Variants in SDHAF4 observed in about 807,000 individuals in gnomAD.
The protein encoded by SDHAF4 is succinate dehydrogenase complex assembly factor 4.
A neutral mutation model predicts 14.3 loss-of-function variants in SDHAF4; 14 were observed. That is an observed-to-expected ratio of 0.98 (90% CI 0.65 to 1.53). The LOEUF (loss-of-function observed/expected upper bound fraction) is 1.53, where lower values mean the gene tolerates loss of function less well. Among genes scored for constraint, SDHAF4 ranks in the 40% most tolerant of loss-of-function variants. The pLI is 0.00. For synonymous variants in SDHAF4, 63 were observed against 47.3 expected, an observed-to-expected ratio of 1.33 and a Z score of -1.36; for missense variants, 141 against 129.3, an observed-to-expected ratio of 1.09 and a Z score of -0.44.
In SDHAF4 at chr6:70,589,313, C is replaced by G. The variant is rs1243150045; in HGVS notation, c.*589C>G. On this transcript the variant is annotated 3_prime_UTR_variant, in exon 3 of 3. Transcript: ENST00000370474. ...CCTGAGTAGCTGGGATTACAGACAC[C>G]CACCATTGCGCCTGGCTAATTTTTG... 6.6e-6 allele frequency: 1 copy of G among 151,842 alleles called. No homozygotes were observed. Among genetic ancestry groups the G allele is most frequent in the Non-Finnish European group, 1.5e-5 (1 of 67,996 alleles). 9.4% of individuals were successfully genotyped at this position (151,842 alleles called of 1,614,324 possible). A position where few individuals can be genotyped will look rare whatever the true frequency, so the allele number is the denominator to read the frequency against.
chr6:70,567,059 G>T, intron 1 of SDHAF4, 55 bp downstream of exon 1: 2 of 1,488,532 alleles, frequency 1.3e-6, no homozygotes, highest in Non-Finnish European at 9.1e-7. Context: ...AGGCCCAGGC[G>T]CAGAGAGAAG....
chr6:70,569,337 C>T (rs1306615943), intron 1 of SDHAF4, among the ~76,000 whole-genome samples: 4 of 151,806 alleles, frequency 2.6e-5, no homozygotes, highest in Non-Finnish European at 5.9e-5. Context: ...GGCGAGATCT[C>T]AGCTCACTGC....
chr6:70,595,696 C>T, the SDHAF4 span, among the ~76,000 whole-genome samples: 3 of 151,954 alleles, frequency 2.0e-5, no homozygotes, highest in Admixed American at 6.5e-5. Context: ...AATAGCTGGG[C>T]GCGGTGGCGC....
Position 70,588,157 on chromosome 6 carries a change from T to G in SDHAF4, c.218-458T>G, listed in dbSNP as rs149396233. 1.2e-3 allele frequency among the ~76,000 whole-genome samples: 188 copies of G among 152,320 alleles called. 1 individual carries two copies. The East Asian group carries it at 0.034, about 28-fold the overall frequency. ...TCAAACTCAGGAAAAAGAATCACAT[T>G]TACAGTTCTTTTAAAGACTGCATGG... On this transcript the variant is annotated intron_variant, in intron 2 of 2. Transcript: ENST00000370474.
At chr6:70,587,845 A>T (rs908743570) in intron 2 of SDHAF4, among the ~76,000 whole-genome samples, 8 of 152,230 alleles carry the variant, frequency 5.3e-5, no homozygotes, top group Non-Finnish European at 8.8e-5. Context: ...AATTACTATT[A>T]TGATTATAAA....
At chr6:70,595,345 G>C in the SDHAF4 span, among the ~76,000 whole-genome samples, 2 of 152,188 alleles carry the variant, frequency 1.3e-5, no homozygotes, top group Non-Finnish European at 2.9e-5. Flanking sequence ...TGAGAAGATT[G>C]TACGGAGACT....
chr6:70,576,448 GAC>G (rs1802256699), intron 1 of SDHAF4, among the ~76,000 whole-genome samples: 1 of 152,126 alleles, frequency 6.6e-6, no homozygotes, highest in South Asian at 2.1e-4. Flanking sequence ...CTTTCCCCAA[GAC>G]ACAGTTTTCT....
chr6:70,580,643 A>G (rs1199126910), intron 2 of SDHAF4, among the ~76,000 whole-genome samples: 1 of 152,244 alleles, frequency 6.6e-6, no homozygotes, highest in African/African-American at 2.4e-5. Context: ...CTATTCAGTC[A>G]TAAAAAGCAA....
intron 2 of SDHAF4, among the ~76,000 whole-genome samples, chr6:70,583,207 G>T (rs1765155426): frequency 6.6e-6 from 1 of 152,180 alleles, no homozygotes; most frequent in Non-Finnish European, 1.5e-5. Context: ...CCGCCTCCCG[G>T]GTTCAAGCGA....
intron 1 of SDHAF4, among the ~76,000 whole-genome samples, chr6:70,575,765 T>C (rs1802247565): frequency 6.6e-6 from 1 of 152,108 alleles, no homozygotes; most frequent in Non-Finnish European, 1.5e-5. Flanking sequence ...TATTATTTCT[T>C]CTTTTAGAAG....
At chr6:70,572,781 T>G (rs1242254274) in intron 1 of SDHAF4, among the ~76,000 whole-genome samples, 3 of 152,158 alleles carry the variant, frequency 2.0e-5, no homozygotes, top group African/African-American at 7.2e-5. Flanking sequence ...CTGATAAAAT[T>G]ACATTCCTCT....
downstream of SDHAF4, among the ~76,000 whole-genome samples, chr6:70,591,481 G>A (rs753245389): frequency 1.4e-4 from 21 of 150,654 alleles, no homozygotes; most frequent in African/African-American, 2.7e-4. Flanking sequence ...ACAGGCACTC[G>A]CCACCACGCC....
At chr6:70,590,036 G>A (rs900162091), downstream of SDHAF4, among the ~76,000 whole-genome samples, 2 of 152,160 alleles carry the variant, frequency 1.3e-5, no homozygotes, top group African/African-American at 2.4e-5. Flanking sequence ...TCAGGAGTTC[G>A]AGACCAGCCT....
intron 1 of SDHAF4, among the ~76,000 whole-genome samples, chr6:70,577,645 A>G (rs1390388641): frequency 1.3e-5 from 2 of 152,172 alleles, no homozygotes; most frequent in Non-Finnish European, 2.9e-5. Flanking sequence ...TGGGATACGA[A>G]TAATCCCATC....
Position 70,583,215 on chromosome 6 carries a change from C to T in SDHAF4, c.217+3649C>T, listed in dbSNP as rs187486604. On this transcript the variant is annotated intron_variant, in intron 2 of 2. Transcript: ENST00000370474. ...GCAACCTCCGCCTCCCGGGTTCAAG[C>T]GATTCTCCTGCCTCAGCCTCCTGAG... Among the ~76,000 whole-genome samples, 750 of 152,264 alleles carry T rather than the reference C, an allele frequency of 4.9e-3. 6 individuals are homozygous for T. Among genetic ancestry groups the T allele is most frequent in the African/African-American group, 0.017 (714 of 41,548 alleles).
the SDHAF4 span, among the ~76,000 whole-genome samples, chr6:70,597,299 ATTTTTTT>A: frequency 8.3e-5 from 9 of 108,100 alleles, no homozygotes; most frequent in Non-Finnish European, 1.4e-4. Context: ...CGCCTGGCTA[ATTTTTTT>A]TTTTTTTTTT....
At chr6:70,569,470 A>G (rs986378089) in intron 1 of SDHAF4, among the ~76,000 whole-genome samples, 1 of 151,914 alleles carries the variant, frequency 6.6e-6, no homozygotes, top group African/African-American at 2.4e-5. Context: ...GGGTTTTGCC[A>G]TGAACTCAGG....
intron 2 of SDHAF4, among the ~76,000 whole-genome samples, chr6:70,580,527 A>T (rs1305293012): frequency 1.3e-5 from 2 of 152,252 alleles, no homozygotes; most frequent in African/African-American, 4.8e-5. Context: ...TATCTCTGTA[A>T]CTATGTTCAT....
chr6:70,586,957 T>A (rs981916817), intron 2 of SDHAF4, among the ~76,000 whole-genome samples: 3 of 150,882 alleles, frequency 2.0e-5, no homozygotes, highest in Admixed American at 6.6e-5. Flanking sequence ...TCACCTGAGG[T>A]CAGGAGTTCA....
Sources: gnomAD v4.1 joint callset for allele counts (sites outside exome capture counted in the v4.1 genomes callset) on GRCh38, gnomAD v4.1.1 for gene constraint, MANE v1.5 for transcripts, NCBI Gene and HGNC (gene_info 2026-07-23, HGNC 2026-07-21) for gene names.